Variants in RBFOX1 observed in about 807,000 individuals in gnomAD.
RBFOX1 encodes the protein RNA binding fox-1 homolog 1, also known as RNA binding protein fox-1 homolog 1.
RBFOX1 carries 8 observed loss-of-function variants against 57.7 expected under a neutral mutation model. The observed-to-expected ratio is 0.14, with a 90% CI of 0.08 to 0.25. The LOEUF (loss-of-function observed/expected upper bound fraction) is 0.25. Ranked by LOEUF, RBFOX1 falls within the 10% of genes least tolerant of loss-of-function variation. The probability of loss-of-function intolerance (pLI) is 1.00; values close to 1 mark genes in which losing one functional copy is unlikely to be tolerated. For synonymous variants in RBFOX1, 326 were observed against 222.4 expected, an observed-to-expected ratio of 1.47 and a Z score of -4.15; for missense variants, 611 against 548.5, an observed-to-expected ratio of 1.11 and a Z score of -1.14.
At position 6,769,368 on chromosome 16, in the gene RBFOX1, T is replaced by C. The variant is rs188371083; in HGVS notation, c.-16+114718T>C. On this transcript the variant is annotated intron_variant, in intron 3 of 15. Transcript: ENST00000550418. The stretch of plus-strand genomic sequence containing the variant: ...CTTTCTCCCGTAAGTTGCCTAGGCT[T>C]GAGTATGTCTTTATCAGCAGCATGA... Among the ~76,000 whole-genome samples the C allele has an allele frequency of 3.3e-5, 5 of 152,322 alleles. No individual in the cohort carries two copies. In the East Asian group the frequency reaches 9.7e-4, roughly 29 times the overall value.
intron 4 of RBFOX1, among the ~76,000 whole-genome samples, chr16:7,434,520 A>G (rs1486650381): frequency 2.0e-5 from 3 of 151,958 alleles, no homozygotes; most frequent in Admixed American, 2.0e-4. Context: ...AATCATCAGG[A>G]GATGAGGAGA....
rs766394389 is a variant in RBFOX1 at position 5,807,132 on chromosome 16, G to A, written c.319-60171G>A. On this transcript the variant is annotated intron_variant, in intron 3 of 19. Coordinates refer to the RBFOX1 transcript ENST00000641259. ...AATACTGACTCCTTTGTTTATTTGT[G>A]CTGGACAGTGACAACACAATTACTT... Among the ~76,000 whole-genome samples, 4 of 152,244 alleles carry A rather than the reference G, an allele frequency of 2.6e-5. No individual in the cohort carries two copies. In the South Asian group the frequency reaches 8.3e-4, roughly 32 times the overall value.
At chr16:6,473,439 C>G (rs940795796) in intron 2 of RBFOX1, among the ~76,000 whole-genome samples, 4 of 152,064 alleles carry the variant, frequency 2.6e-5, no homozygotes, top group Admixed American at 2.0e-4. Flanking sequence ...CATTTCATCA[C>G]AAGGCTATTT....
chr16:5,881,562 C>A (rs886232728), intron 4 of RBFOX1, among the ~76,000 whole-genome samples: 3 of 152,102 alleles, frequency 2.0e-5, no homozygotes, highest in Non-Finnish European at 2.9e-5. Context: ...TGCTTATAAT[C>A]CCAGCTACTT....
intron 3 of RBFOX1, among the ~76,000 whole-genome samples, chr16:6,981,469 C>G (rs972870627): frequency 1.3e-5 from 2 of 152,118 alleles, no homozygotes; most frequent in African/African-American, 4.8e-5. Context: ...TGTGTATAAA[C>G]CACAGATTCT....
intron 3 of RBFOX1, among the ~76,000 whole-genome samples, chr16:5,830,649 A>G (rs896248011): frequency 7.2e-5 from 11 of 152,120 alleles, no homozygotes; most frequent in African/African-American, 2.7e-4. Flanking sequence ...AGCAGCTAGG[A>G]TGATCTTTGA....
intron 3 of RBFOX1, among the ~76,000 whole-genome samples, chr16:5,760,443 A>G (rs1205240972): frequency 1.3e-5 from 2 of 152,180 alleles, no homozygotes; most frequent in African/African-American, 2.4e-5. Context: ...TAGGTATTCA[A>G]TTACATGTCC....
At chr16:6,431,925 C>CT (rs1463021464) in intron 2 of RBFOX1, among the ~76,000 whole-genome samples, 1 of 149,982 alleles carries the variant, frequency 6.7e-6, no homozygotes, top group Non-Finnish European at 1.5e-5. Flanking sequence ...TTCTTTCTTT[C>CT]TTTCTTTCTT....
intron 5 of RBFOX1, among the ~76,000 whole-genome samples, chr16:7,527,660 C>G (rs1385282773): frequency 6.6e-6 from 1 of 152,142 alleles, no homozygotes; most frequent in Non-Finnish European, 1.5e-5. Context: ...CATAACTTCT[C>G]TGAGCCTGTT....
chr16:6,803,099 C>T (rs996447703), intron 3 of RBFOX1, among the ~76,000 whole-genome samples: 1 of 152,086 alleles, frequency 6.6e-6, no homozygotes, highest in African/African-American at 2.4e-5. Flanking sequence ...ATCACCCACT[C>T]TGCAGACTCA....
intron 4 of RBFOX1, among the ~76,000 whole-genome samples, chr16:7,465,814 C>T (rs945765603): frequency 1.3e-5 from 2 of 152,190 alleles, no homozygotes; most frequent in Non-Finnish European, 2.9e-5. Flanking sequence ...CCAGGTAATT[C>T]TTGTCTACAC....
chr16:6,509,220 A>G (rs2096193430), intron 2 of RBFOX1, among the ~76,000 whole-genome samples: 1 of 152,214 alleles, frequency 6.6e-6, no homozygotes. Flanking sequence ...GAGCTGGCCA[A>G]CAGATTTAAA....
intron 4 of RBFOX1, among the ~76,000 whole-genome samples, chr16:7,163,700 A>G (rs902066254): frequency 2.0e-5 from 3 of 151,882 alleles, no homozygotes; most frequent in Admixed American, 6.6e-5. Flanking sequence ...TCTGTCACCC[A>G]TGCTGGAGTG....
intron 3 of RBFOX1, among the ~76,000 whole-genome samples, chr16:5,738,007 GC>G (rs908441295): frequency 5.3e-4 from 62 of 117,354 alleles, no homozygotes; most frequent in African/African-American, 1.9e-3. Flanking sequence ...CCCTCCCCTT[GC>G]CCCCCACCCC....
intron 3 of RBFOX1, among the ~76,000 whole-genome samples, chr16:6,813,789 C>T (rs557811661): frequency 3.9e-5 from 6 of 152,280 alleles, no homozygotes; most frequent in South Asian, 2.1e-4. Flanking sequence ...TGCAGAGATG[C>T]GGAGGATTCC....
intron 1 of RBFOX1, among the ~76,000 whole-genome samples, chr16:6,267,133 G>A (rs926717775): frequency 3.3e-5 from 5 of 152,054 alleles, no homozygotes; most frequent in Admixed American, 3.3e-4. Flanking sequence ...ACTTGGAACT[G>A]AATTGATTAT....
chr16:5,463,914 C>G (rs1459918632), intron 1 of RBFOX1, among the ~76,000 whole-genome samples: 1 of 152,110 alleles, frequency 6.6e-6, no homozygotes, highest in African/African-American at 2.4e-5. Flanking sequence ...TGCTTTCAGC[C>G]AAATTGTGTT....
At chr16:6,648,398 C>T (rs1052040386) in intron 2 of RBFOX1, among the ~76,000 whole-genome samples, 6 of 152,008 alleles carry the variant, frequency 3.9e-5, no homozygotes, top group African/African-American at 7.3e-5. Flanking sequence ...GCAGACTCCA[C>T]GTTGACTAGG....
intron 3 of RBFOX1, among the ~76,000 whole-genome samples, chr16:5,831,023 T>G (rs529440097): frequency 2.8e-4 from 42 of 152,346 alleles, no homozygotes; most frequent in African/African-American, 8.2e-4. Context: ...TTAACCTTGC[T>G]AATGCGTTAG....
Sources: allele counts gnomAD v4.1 joint callset (sites outside exome capture counted in the v4.1 genomes callset), GRCh38; gene constraint gnomAD v4.1.1; transcripts MANE v1.5; gene names NCBI Gene and HGNC (gene_info 2026-07-23, HGNC 2026-07-21).